The following JAKMIP1 variants were observed in gnomAD, a reference collection of about 807,000 sequenced individuals.
JAKMIP1 encodes the protein janus kinase and microtubule-interacting protein 1.
JAKMIP1 carries 33 observed loss-of-function variants against 113.0 expected under a neutral mutation model. The ratio of observed to expected loss-of-function variants is 0.29; its 90% CI spans 0.22 to 0.39. JAKMIP1 has a LOEUF of 0.39. JAKMIP1 is among the 10% of genes least tolerant of loss of function. JAKMIP1 has a pLI of 1.00. For missense variants in JAKMIP1, 813 were observed against 1,080.5 expected (o/e 0.75, Z 3.47); for synonymous variants, 480 against 459.9 (o/e 1.04, Z -0.56).
At chr4:6,190,096 C>T (rs1200344553) in intron 1 of JAKMIP1, among the ~76,000 whole-genome samples, 1 of 152,186 alleles carries the variant, frequency 6.6e-6, no homozygotes, top group Admixed American at 6.5e-5. Flanking sequence ...TGTCTCCCCA[C>T]TCCTGGGGCC....
Position 6,138,209 on chromosome 4 carries a change from G to C in JAKMIP1, c.-147-25212C>G, listed in dbSNP as rs1245479509. Among the ~76,000 whole-genome samples the C allele has an allele frequency of 6.6e-6, 1 of 151,994 alleles. No homozygotes were observed. Among genetic ancestry groups the C allele is most frequent in the Non-Finnish European group, 1.5e-5 (1 of 67,962 alleles). Reference sequence around the variant, plus strand: ...TGCACCTGAACACAGATGAAAGCTGGGGTACCCCAGAACCCAAGTTAATTT... The same window carrying C: ...TGCACCTGAACACAGATGAAAGCTGCGGTACCCCAGAACCCAAGTTAATTT... On this transcript the variant is annotated intron_variant, in intron 1 of 20. Transcript: ENST00000409021. This position sits in a 1 kb window ranked among gnomAD's most constrained non-coding sequence, Gnocchi z 6.0.
rs1416067594 is a variant in JAKMIP1, at chr4:6,059,130, C to T, written c.1644+1294G>A. On this transcript the variant is annotated intron_variant, in intron 11 of 20. Transcript: ENST00000409021. The surrounding 1 kb of genome is among the most constrained non-coding windows in gnomAD (Gnocchi z 4.8). ...GGCCAGCTATAGCATGTGAGCTCTG[C>T]GTCACGATCCCACCGCATGGAGGAT... Among the ~76,000 whole-genome samples the T allele has an allele frequency of 6.6e-6, 1 of 152,208 alleles. No individual in the cohort carries two copies. The highest frequency in any genetic ancestry group is 1.5e-5 in the Non-Finnish European group (1 of 68,042).
intron 1 of JAKMIP1, among the ~76,000 whole-genome samples, chr4:6,177,742 A>G (rs1417685850): frequency 6.6e-5 from 10 of 151,508 alleles, no homozygotes; most frequent in Admixed American, 5.9e-4. Context: ...CATCAGTGCA[A>G]CCTCCTCCAC....
rs778605347 is a variant in JAKMIP1, at chr4:6,142,732, C to T, written c.-147-29735G>A. Among the ~76,000 whole-genome samples, 2 of 152,158 alleles carry T rather than the reference C, an allele frequency of 1.3e-5. No individual in the cohort carries two copies. The highest frequency in any genetic ancestry group is 2.9e-5 in the Non-Finnish European group (2 of 68,028). ...GGCAATGGATGGGGTGCTCTGGCCC[C>T]GGGGCCTGGCCGCAGGCAGAGATCA... On this transcript the variant is annotated intron_variant, in intron 1 of 20. Coordinates refer to ENST00000409021, the MANE Select transcript of JAKMIP1 (RefSeq NM_001099433.2). The surrounding 1 kb of genome is among the most constrained non-coding windows in gnomAD (Gnocchi z 5.5).
In JAKMIP1 at chr4:6,192,123, G is replaced by A. The variant is rs899918381; in HGVS notation, c.-148+8130C>T. ...AATTTTTGTATTTTCAGTAGAGATG[G>A]GGTTTCACCATGTTGGCCAGGCTGG... is the stretch of plus-strand genomic sequence containing the variant. On this transcript the variant is annotated intron_variant, in intron 1 of 20. Transcript: ENST00000409021. The surrounding 1 kb of genome is among the most constrained non-coding windows in gnomAD (Gnocchi z 5.0). Among the ~76,000 whole-genome samples, 2 of 151,790 alleles carry A rather than the reference G, an allele frequency of 1.3e-5. No individual in the cohort carries two copies. The highest frequency in any genetic ancestry group is 2.4e-5 in the African/African-American group (1 of 41,304).
intron 18 of JAKMIP1, among the ~76,000 whole-genome samples, chr4:6,039,201 C>A (rs1259111076): frequency 6.6e-6 from 1 of 152,150 alleles, no homozygotes; most frequent in African/African-American, 2.4e-5. Context: ...GCCCCTCAGG[C>A]CTTCCTGAGT....
In JAKMIP1 at chr4:6,179,978, C is replaced by G. The variant is rs1725827915; in HGVS notation, c.-148+20275G>C. ...AACTGTGTCTGTTTTGTTTTCTATC[C>G]CTAGGACCAGCAGCATGCCTGACAT... On this transcript the variant is annotated intron_variant, in intron 1 of 20. Transcript: ENST00000409021. This position sits in a 1 kb window ranked among gnomAD's most constrained non-coding sequence, Gnocchi z 4.5. Among the ~76,000 whole-genome samples, 1 of 152,130 alleles carries G rather than the reference C, an allele frequency of 6.6e-6. No individual in the cohort carries two copies. Among genetic ancestry groups the G allele is most frequent in the African/African-American group, 2.4e-5 (1 of 41,414 alleles).
At chr4:6,056,624 G>A (rs995147491) in intron 12 of JAKMIP1, 73 bp downstream of exon 12, 59 of 1,162,978 alleles carry the variant, frequency 5.1e-5, no homozygotes, top group Admixed American at 2.7e-4. Flanking sequence ...GGCACGACCC[G>A]TGTAGTCTGA....
In JAKMIP1 at chr4:6,116,307, C is replaced by T. The variant is rs897580286; in HGVS notation, c.-147-3310G>A. Among the ~76,000 whole-genome samples the T allele has an allele frequency of 5.3e-5, 8 of 152,090 alleles. No individual in the cohort carries two copies. The highest frequency in any genetic ancestry group is 1.0e-4 in the Non-Finnish European group (7 of 68,028). On this transcript the variant is annotated intron_variant, in intron 1 of 20. Transcript: ENST00000409021. The surrounding 1 kb of genome is among the most constrained non-coding windows in gnomAD (Gnocchi z 5.1). ...GAGCAACAGCAGGGAACTCTCCTGCCTGAGCTTAGCTTGGTGTCTGCTGCG... is the reference window on the plus strand; with the variant it reads ...GAGCAACAGCAGGGAACTCTCCTGCTTGAGCTTAGCTTGGTGTCTGCTGCG...
At chr4:6,101,756 A>AAAAAAAC (rs1713075093) in intron 3 of JAKMIP1, among the ~76,000 whole-genome samples, 4 of 130,966 alleles carry the variant, frequency 3.1e-5, no homozygotes, top group African/African-American at 1.2e-4. Flanking sequence ...AAAAAAAAAA[A>AAAAAAAC]TTAGCCGGGC....
At chr4:6,122,006 T>C (rs904926591) in intron 1 of JAKMIP1, among the ~76,000 whole-genome samples, 3 of 152,238 alleles carry the variant, frequency 2.0e-5, no homozygotes, top group Non-Finnish European at 4.4e-5. Context: ...GCTGTATATA[T>C]GTGCATTTGT....
At chr4:6,118,913 T>C (rs143140022) in intron 1 of JAKMIP1, among the ~76,000 whole-genome samples, 1 of 152,208 alleles carries the variant, frequency 6.6e-6, no homozygotes, top group African/African-American at 2.4e-5. Flanking sequence ...GATCTCAAGA[T>C]GAAATCATCC....
chr4:6,122,847 G>A (rs536636076), intron 1 of JAKMIP1, among the ~76,000 whole-genome samples: 79 of 152,172 alleles, frequency 5.2e-4, no homozygotes, highest in Non-Finnish European at 8.8e-4. Flanking sequence ...TCAGACAGGA[G>A]ACTTCTGTCT....
At chr4:6,126,388 A>C in intron 1 of JAKMIP1, among the ~76,000 whole-genome samples, 1 of 19,676 alleles carries the variant, frequency 5.1e-5, no homozygotes, top group Non-Finnish European at 1.2e-4. Context: ...CACACATCAT[A>C]CAGAAACACA....
intron 1 of JAKMIP1, among the ~76,000 whole-genome samples, chr4:6,148,594 T>C (rs1215127722): frequency 1.3e-5 from 2 of 152,252 alleles, no homozygotes; most frequent in Non-Finnish European, 2.9e-5. Flanking sequence ...TTCACCAGCA[T>C]TTCCTGGTGC....
chr4:6,133,770 CAGATTCCCT>C (rs1718851582), intron 1 of JAKMIP1, among the ~76,000 whole-genome samples: 2 of 152,228 alleles, frequency 1.3e-5, no homozygotes, highest in Non-Finnish European at 1.5e-5. Context: ...TGACATTTCC[CAGATTCCCT>C]TGCAGGAGGT....
At position 6,065,914 on chromosome 4, in the gene JAKMIP1, G is replaced by A. The variant is rs1168428881; in HGVS notation, c.1303-906C>T. Among the ~76,000 whole-genome samples, 1 of 152,190 alleles carries A rather than the reference G, an allele frequency of 6.6e-6. No individual in the cohort carries two copies. Among genetic ancestry groups the A allele is most frequent in the Non-Finnish European group, 1.5e-5 (1 of 68,044 alleles). ...CCAGGCCAGGTCCCTGCCCCAAGGAGCTTGCATCCCCTAGGGGCTACAGAC... is the reference window on the plus strand; with the variant it reads ...CCAGGCCAGGTCCCTGCCCCAAGGAACTTGCATCCCCTAGGGGCTACAGAC... On this transcript the variant is annotated intron_variant, in intron 8 of 20. Transcript: ENST00000409021. The surrounding 1 kb of genome is among the most constrained non-coding windows in gnomAD (Gnocchi z 5.1).
chr4:6,161,242 C>T (rs1722910867), intron 1 of JAKMIP1, among the ~76,000 whole-genome samples: 1 of 145,612 alleles, frequency 6.9e-6, no homozygotes, highest in Non-Finnish European at 1.5e-5. Flanking sequence ...CCACTCACCT[C>T]CCCTGACCTC....
Position 6,059,420 on chromosome 4 carries a change from C to T in JAKMIP1, c.1644+1004G>A, listed in dbSNP as rs1316530331. 6.6e-6 allele frequency among the ~76,000 whole-genome samples: 1 copy of T among 152,152 alleles called. No individual in the cohort carries two copies. Among genetic ancestry groups the T allele is most frequent in the South Asian group, 2.1e-4 (1 of 4,828 alleles). On this transcript the variant is annotated intron_variant, in intron 11 of 20. Coordinates refer to ENST00000409021, the MANE Select transcript of JAKMIP1 (RefSeq NM_001099433.2). The surrounding 1 kb of genome is among the most constrained non-coding windows in gnomAD (Gnocchi z 4.8). ...CGCCTGGAACCTCTTACACCCCTTGCTTCACACCCGCCTCCTCCCACTGTA... is the reference window on the plus strand; with the variant it reads ...CGCCTGGAACCTCTTACACCCCTTGTTTCACACCCGCCTCCTCCCACTGTA...
Sources: allele counts gnomAD v4.1 joint callset (sites outside exome capture counted in the v4.1 genomes callset), GRCh38; gene constraint gnomAD v4.1.1; non-coding constraint Gnocchi (gnomAD v3.1); transcripts MANE v1.5; gene names NCBI Gene and HGNC (gene_info 2026-07-23, HGNC 2026-07-21).